The following TENM3 variants were observed in gnomAD, a reference collection of about 807,000 sequenced individuals.
TENM3 encodes the protein teneurin transmembrane protein 3.
Under a neutral mutation model 255.1 loss-of-function variants are expected in TENM3, and 63 were observed. The observed-to-expected ratio is 0.25, with a 90% CI of 0.20 to 0.30. The LOEUF is 0.30. Among genes scored for constraint, TENM3 ranks in the 10% least tolerant of loss-of-function variants. TENM3 has a pLI of 1.00. For missense variants in TENM3, 2,929 were observed against 3,461.1 expected (o/e 0.85, Z 3.86); for synonymous variants, 1,306 against 1,322.3 (o/e 0.99, Z 0.27).
At position 182,673,256 on chromosome 4, in the gene TENM3, G is replaced by A. The variant is rs770128956; in HGVS notation, c.1326+37G>A. 1.8e-5 allele frequency: 26 copies of A among 1,413,976 alleles called. No individual in the cohort carries two copies. The South Asian group carries it at 2.6e-4, about 14-fold the overall frequency. 87.6% of individuals were successfully genotyped at this position (1,413,976 alleles called of 1,614,324 possible). A position where few individuals can be genotyped will look rare whatever the true frequency, so the allele number is the denominator to read the frequency against. The stretch of plus-strand genomic sequence containing the variant: ...CTTTCTTATCAATAAAATAAAAACT[G>A]CCAGTTGCATTTTTTGAAATTATTC... On this transcript the variant is annotated intron_variant, in intron 7 of 27. Transcript: ENST00000511685.
intron 3 of TENM3, among the ~76,000 whole-genome samples, chr4:182,505,140 G>C (rs932159403): frequency 6.6e-6 from 1 of 152,120 alleles, no homozygotes. Context: ...TGTAGAATTA[G>C]AGTCAGCTTA....
At chr4:181,761,929 C>G in the TENM3 span, among the ~76,000 whole-genome samples, 1 of 152,164 alleles carries the variant, frequency 6.6e-6, no homozygotes, top group Admixed American at 6.6e-5. Context: ...GAAAATACTT[C>G]CAGGACATAA....
the TENM3 span, among the ~76,000 whole-genome samples, chr4:181,911,520 AG>A: frequency 2.6e-5 from 4 of 152,208 alleles, no homozygotes; most frequent in Non-Finnish European, 2.9e-5. Context: ...AGGCTATAAA[AG>A]CTCCTTACAT....
the TENM3 span, among the ~76,000 whole-genome samples, chr4:181,513,417 T>C: frequency 6.6e-6 from 1 of 152,178 alleles, no homozygotes; most frequent in African/African-American, 2.4e-5. Context: ...ATCAAAATTT[T>C]CTTAAAAATG....
At chr4:182,405,819 C>T (rs1046348246) in intron 3 of TENM3, among the ~76,000 whole-genome samples, 2 of 152,092 alleles carry the variant, frequency 1.3e-5, no homozygotes, top group Non-Finnish European at 2.9e-5. Context: ...TCAGGCATGG[C>T]ATAAACTCAG....
rs182884728 is a variant in TENM3, at chr4:182,680,188, G to A, written c.1538-60G>A. The stretch of plus-strand genomic sequence containing the variant: ...CATAAATGAAGATCAAAGTGATACC[G>A]TTTATCTTTTGCAAGAGGCAGGCTA... On this transcript the variant is annotated intron_variant, in intron 8 of 27. Transcript: ENST00000511685. 142 of 1,194,926 alleles carry A rather than the reference G, an allele frequency of 1.2e-4. 1 individual carries two copies. In the East Asian group the frequency reaches 1.7e-3, roughly 15 times the overall value. The allele number at this position is 1,194,926 out of a possible 1,614,324, so 74.0% of individuals were successfully genotyped here. A position where few individuals can be genotyped will look rare whatever the true frequency, so the allele number is the denominator to read the frequency against.
At chr4:181,639,589 A>C in the TENM3 span, among the ~76,000 whole-genome samples, 87 of 152,006 alleles carry the variant, frequency 5.7e-4, no homozygotes, top group Admixed American at 1.5e-3. Context: ...AAAATACAAA[A>C]ATTGGCCAGG....
At chr4:182,413,385 A>G (rs190207434) in intron 3 of TENM3, among the ~76,000 whole-genome samples, 3 of 152,256 alleles carry the variant, frequency 2.0e-5, no homozygotes, top group Admixed American at 1.3e-4. Context: ...AGGAGGCTGA[A>G]GCAGGTGGAT....
At chr4:182,052,197 A>G in the TENM3 span, among the ~76,000 whole-genome samples, 1 of 152,088 alleles carries the variant, frequency 6.6e-6, no homozygotes, top group Non-Finnish European at 1.5e-5. Flanking sequence ...AGCCCCAGAA[A>G]TCATGAAGAT....
chr4:181,921,580 A>C, the TENM3 span, among the ~76,000 whole-genome samples: 5 of 152,254 alleles, frequency 3.3e-5, 2 homozygotes, highest in Middle Eastern at 0.01. Context: ...TTGTAGATTG[A>C]TTTTGTATCC....
the TENM3 span, among the ~76,000 whole-genome samples, chr4:182,099,858 G>A: frequency 6.6e-6 from 1 of 152,118 alleles, no homozygotes; most frequent in Non-Finnish European, 1.5e-5. Flanking sequence ...GCAAACAGAA[G>A]TTATGAGGTA....
the TENM3 span, among the ~76,000 whole-genome samples, chr4:181,535,836 C>G: frequency 6.6e-6 from 1 of 152,142 alleles, no homozygotes; most frequent in African/African-American, 2.4e-5. Context: ...CCAGATAAGT[C>G]TTCTCCAACC....
intron 1 of TENM3, among the ~76,000 whole-genome samples, chr4:182,202,846 T>C (rs1164657933): frequency 2.6e-5 from 4 of 151,858 alleles, no homozygotes; most frequent in Non-Finnish European, 4.4e-5. Context: ...TTGTGAAAGA[T>C]CAAGAGGGCT....
the TENM3 span, among the ~76,000 whole-genome samples, chr4:181,771,982 A>T: frequency 6.6e-6 from 1 of 152,216 alleles, no homozygotes; most frequent in African/African-American, 2.4e-5. Flanking sequence ...CCAAGCATCT[A>T]GGTGCTGAGA....
the TENM3 span, among the ~76,000 whole-genome samples, chr4:181,560,889 G>A: frequency 6.6e-6 from 1 of 152,252 alleles, no homozygotes; most frequent in Non-Finnish European, 1.5e-5. Context: ...AGCTTTTTTT[G>A]TGGACAACAA....
At chr4:182,440,199 G>A (rs1379953027) in intron 3 of TENM3, among the ~76,000 whole-genome samples, 4 of 138,430 alleles carry the variant, frequency 2.9e-5, no homozygotes, top group Admixed American at 1.7e-4. Context: ...TGCAACCTCC[G>A]CCTCTCGGGT....
the TENM3 span, among the ~76,000 whole-genome samples, chr4:181,916,920 A>G: frequency 6.6e-6 from 1 of 152,092 alleles, no homozygotes; most frequent in African/African-American, 2.4e-5. Context: ...CTTGGAATTT[A>G]TTGAATGGAT....
chr4:182,335,494 C>CAGAAAAAAAA (rs1554051180), intron 2 of TENM3, among the ~76,000 whole-genome samples: 1 of 52,400 alleles, frequency 1.9e-5, no homozygotes, highest in African/African-American at 6.9e-5. Flanking sequence ...GACTCCGCCT[C>CAGAAAAAAAA]AAAAAAAAAA....
intron 24 of TENM3, among the ~76,000 whole-genome samples, chr4:182,783,010 A>G (rs1403872509): frequency 8.0e-5 from 12 of 150,910 alleles, no homozygotes; most frequent in South Asian, 4.2e-4. Flanking sequence ...TCTTTATCCA[A>G]TTTGCCAGTC....
Sources: gnomAD v4.1 joint callset for allele counts (sites outside exome capture counted in the v4.1 genomes callset) on GRCh38, gnomAD v4.1.1 for gene constraint, MANE v1.5 for transcripts, NCBI Gene and HGNC (gene_info 2026-07-23, HGNC 2026-07-21) for gene names.